KIRREL3: variants seen among roughly 807,000 people sequenced by gnomAD.
The protein encoded by KIRREL3 is kirre like nephrin family adhesion molecule 3.
In KIRREL3, 36 loss-of-function variants were observed where a neutral mutation model predicts 89.7. The ratio of observed to expected loss-of-function variants is 0.40; its 90% CI spans 0.31 to 0.53. The LOEUF (loss-of-function observed/expected upper bound fraction) is 0.53, where lower values mean the gene tolerates loss of function less well. Ranked by LOEUF, KIRREL3 falls within the 20% of genes least tolerant of loss-of-function variation. The pLI is 0.49. For synonymous variants in KIRREL3, 445 were observed against 441.4 expected (o/e 1.01, Z -0.10); for missense variants, 864 against 1,056.6 (o/e 0.82, Z 2.53).
intron 1 of KIRREL3, among the ~76,000 whole-genome samples, chr11:126,631,172 T>G (rs1944010420): frequency 6.6e-6 from 1 of 151,764 alleles, no homozygotes; most frequent in Non-Finnish European, 1.5e-5. Flanking sequence ...TTCTGCTATG[T>G]ATTCAGCAAC....
At chr11:126,816,521 G>A (rs1951578312) in intron 1 of KIRREL3, among the ~76,000 whole-genome samples, 1 of 152,142 alleles carries the variant, frequency 6.6e-6, no homozygotes, top group African/African-American at 2.4e-5. Context: ...GAATTTTAAA[G>A]TTAGAGACCC....
intron 1 of KIRREL3, among the ~76,000 whole-genome samples, chr11:126,962,016 T>C (rs546287629): frequency 7.2e-5 from 11 of 152,314 alleles, no homozygotes; most frequent in African/African-American, 2.6e-4. Context: ...AAGATTCCTT[T>C]CAAAATATTA....
At chr11:126,881,423 A>T (rs200754604) in intron 1 of KIRREL3, among the ~76,000 whole-genome samples, 8 of 26,100 alleles carry the variant, frequency 3.1e-4, no homozygotes, top group African/African-American at 5.0e-4. Flanking sequence ...TGGTTTAATC[A>T]GTCAGCGTCA....
At position 126,782,180 on chromosome 11, in the gene KIRREL3, C is replaced by T. The variant is rs1440500574; in HGVS notation, c.55+218275G>A. ...CTTAAAAGAGTCCTGTGTGATCTTT[C>T]AGCCCCTCTTCCCTCCCGTCCCTAC... On this transcript the variant is annotated intron_variant, in intron 1 of 16. Transcript: ENST00000525144. This position sits in a 1 kb window ranked among gnomAD's most constrained non-coding sequence, Gnocchi z 4.1. Among the ~76,000 whole-genome samples, 2 of 152,172 alleles carry T rather than the reference C, an allele frequency of 1.3e-5. No individual in the cohort carries two copies. The highest frequency in any genetic ancestry group is 2.1e-4 in the South Asian group (1 of 4,820).
rs1948753016 is a variant in KIRREL3, at chr11:126,734,964, T to A, written c.56-172052A>T. Among the ~76,000 whole-genome samples the A allele has an allele frequency of 6.6e-6, 1 of 152,138 alleles. No individual in the cohort carries two copies. The highest frequency in any genetic ancestry group is 1.5e-5 in the Non-Finnish European group (1 of 68,018). ...TGCCTGGCTCCGACCAAGGGCAGGG[T>A]CAATGTGCACTGCCTGCAGCAAGCA... On this transcript the variant is annotated intron_variant, in intron 1 of 16. Transcript: ENST00000525144. This position sits in a 1 kb window ranked among gnomAD's most constrained non-coding sequence, Gnocchi z 5.9.
rs1040324978 is a variant in KIRREL3, at chr11:126,562,276, G to A, written c.133+559C>T. On this transcript the variant is annotated intron_variant, in intron 2 of 16. Transcript: ENST00000525144. This position sits in a 1 kb window ranked among gnomAD's most constrained non-coding sequence, Gnocchi z 4.7. The stretch of plus-strand genomic sequence containing the variant: ...TTTCTCAAGCCTTCAGTGACCCAAT[G>A]AAGCCAGTGCAAGAGGAAGACAGAA... 6.6e-6 allele frequency among the ~76,000 whole-genome samples: 1 copy of A among 152,120 alleles called. No individual in the cohort carries two copies. The highest frequency in any genetic ancestry group is 1.5e-5 in the Non-Finnish European group (1 of 68,028).
chr11:126,757,656 T>C (rs1439727583), intron 1 of KIRREL3, among the ~76,000 whole-genome samples: 2 of 152,150 alleles, frequency 1.3e-5, no homozygotes, highest in African/African-American at 4.8e-5. Context: ...TCAACCTTCA[T>C]TTCTGTGTTG....
At position 126,644,818 on chromosome 11, in the gene KIRREL3, T is replaced by C. The variant is rs190529989; in HGVS notation, c.56-81906A>G. 1.1e-3 allele frequency among the ~76,000 whole-genome samples: 170 copies of C among 152,320 alleles called. 1 individual carries two copies. The highest frequency in any genetic ancestry group is 1.6e-3 in the Non-Finnish European group (111 of 68,020). On this transcript the variant is annotated intron_variant, in intron 1 of 16. Transcript: ENST00000525144. ...GGTCAAAGAACATCTATGGAACAAA[T>C]AATAATCTATAGATGTACAAAGCTA...
chr11:126,451,612 G>T (rs1956170103), intron 7 of KIRREL3, among the ~76,000 whole-genome samples: 1 of 150,528 alleles, frequency 6.6e-6, no homozygotes, highest in Non-Finnish European at 1.5e-5. Context: ...GCATGTGCAT[G>T]TGTGCATGTG....
rs1373751159 is a variant in KIRREL3, at chr11:126,669,954, C to T, written c.56-107042G>A. Among the ~76,000 whole-genome samples the T allele has an allele frequency of 1.3e-5, 2 of 152,334 alleles. No homozygotes were observed. The highest frequency in any genetic ancestry group is 6.8e-3 in the Middle Eastern group (2 of 294). On this transcript the variant is annotated intron_variant, in intron 1 of 16. Coordinates refer to ENST00000525144, the MANE Select transcript of KIRREL3 (RefSeq NM_032531.4). The surrounding 1 kb of genome is among the most constrained non-coding windows in gnomAD (Gnocchi z 5.0). ...TCTTCAGCATGTCAGTGCATTGCAG[C>T]ACCATCCACCCCGTTGCTCAAGCTC...
In KIRREL3 at chr11:126,566,974, T is replaced by TG. The variant is rs1355040991; in HGVS notation, c.56-4063dup. On this transcript the variant is annotated intron_variant, in intron 1 of 16. Transcript: ENST00000525144. The surrounding 1 kb of genome is among the most constrained non-coding windows in gnomAD (Gnocchi z 4.9). The stretch of plus-strand genomic sequence containing the variant: ...GTGATAGTGCCCATGCTGGAACCCA[T>TG]GGCTGATTTTTGGCTTGGTTCTTAG... 6.6e-6 allele frequency among the ~76,000 whole-genome samples: 1 copy of TG among 152,186 alleles called. No homozygotes were observed. Among genetic ancestry groups the TG allele is most frequent in the African/African-American group, 2.4e-5 (1 of 41,432 alleles).
chr11:126,770,993 G>A (rs752378170), intron 1 of KIRREL3, among the ~76,000 whole-genome samples: 3 of 152,084 alleles, frequency 2.0e-5, no homozygotes, highest in Non-Finnish European at 2.9e-5. Context: ...TTGCCACCAG[G>A]CCTGGCTAAT....
At chr11:126,556,451 G>A (rs1019806587) in intron 2 of KIRREL3, among the ~76,000 whole-genome samples, 9 of 152,078 alleles carry the variant, frequency 5.9e-5, no homozygotes, top group Non-Finnish European at 1.3e-4. Context: ...GACCAGTCTG[G>A]GCAACATAGT....
At chr11:126,952,238 C>A (rs1332706587) in intron 1 of KIRREL3, among the ~76,000 whole-genome samples, 1 of 152,086 alleles carries the variant, frequency 6.6e-6, no homozygotes, top group Non-Finnish European at 1.5e-5. Flanking sequence ...ATACAAAAAT[C>A]AGCTGGGTGT....
At chr11:126,446,599 G>A (rs1955823431) in intron 9 of KIRREL3, among the ~76,000 whole-genome samples, 160 bp downstream of exon 9, 1 of 152,206 alleles carries the variant, frequency 6.6e-6, no homozygotes, top group Admixed American at 6.5e-5. Context: ...GGGGGTGCCT[G>A]GGTTCCCCCT....
At chr11:126,937,251 T>A (rs1174972369) in intron 1 of KIRREL3, 1 of 152,230 alleles carries the variant, frequency 6.6e-6, no homozygotes, top group African/African-American at 2.4e-5. Flanking sequence ...ATGCCTCCCA[T>A]TTATCTCAGT....
At position 126,528,993 on chromosome 11, in the gene KIRREL3, G is replaced by A. The variant is rs1958854365; in HGVS notation, c.134-2306C>T. ...GCAGCTGCAGTAACTGCCAAAGATT[G>A]TGCTATCAGAGAGAATTATCAGGTT... is the stretch of plus-strand genomic sequence containing the variant. On this transcript the variant is annotated intron_variant, in intron 2 of 16. Transcript: ENST00000525144. The surrounding 1 kb of genome is among the most constrained non-coding windows in gnomAD (Gnocchi z 4.6). Among the ~76,000 whole-genome samples the A allele has an allele frequency of 6.6e-6, 1 of 152,208 alleles. No individual in the cohort carries two copies. The highest frequency in any genetic ancestry group is 1.5e-5 in the Non-Finnish European group (1 of 68,036).
intron 1 of KIRREL3, among the ~76,000 whole-genome samples, chr11:126,673,761 A>C (rs1946063351): frequency 6.6e-6 from 1 of 152,192 alleles, no homozygotes; most frequent in South Asian, 2.1e-4. Flanking sequence ...ATCTTCCTCC[A>C]CTGAGAAATG....
intron 1 of KIRREL3, among the ~76,000 whole-genome samples, chr11:126,998,916 AGTGTGT>A (rs10561880): frequency 0.011 from 1,533 of 141,276 alleles, 13 homozygotes; most frequent in South Asian, 0.014. Flanking sequence ...GACGAATGGG[AGTGTGT>A]GTGTGTGTGT....
Sources: allele counts gnomAD v4.1 joint callset (sites outside exome capture counted in the v4.1 genomes callset), GRCh38; gene constraint gnomAD v4.1.1; non-coding constraint Gnocchi (gnomAD v3.1); transcripts MANE v1.5; gene names NCBI Gene and HGNC (gene_info 2026-07-23, HGNC 2026-07-21).